Variants in AVEN observed in about 807,000 individuals in gnomAD.
AVEN encodes the protein apoptosis and caspase activation inhibitor.
Under a neutral mutation model 38.1 loss-of-function variants are expected in AVEN, and 41 were observed. That is an observed-to-expected ratio of 1.08 (90% CI 0.84 to 1.40). The LOEUF (loss-of-function observed/expected upper bound fraction) is 1.40. AVEN is among the 40% of genes most tolerant of loss of function. The probability of loss-of-function intolerance (pLI) is 0.00; values close to 1 mark genes in which losing one functional copy is unlikely to be tolerated. For synonymous variants in AVEN, 206 were observed against 171.8 expected (o/e 1.20, Z -1.56); for missense variants, 605 against 438.8 (o/e 1.38, Z -3.38).
intron 5 of AVEN, among the ~76,000 whole-genome samples, 171 bp downstream of exon 5, chr15:33,867,323 GA>G (rs1890638297): frequency 6.6e-6 from 1 of 151,728 alleles, no homozygotes; most frequent in Non-Finnish European, 1.5e-5. Flanking sequence ...AAGGTTGTCA[GA>G]AAGGTCAGCT....
chr15:33,939,159 G>A (rs1292177324), intron 2 of AVEN, among the ~76,000 whole-genome samples: 7 of 152,074 alleles, frequency 4.6e-5, no homozygotes, highest in East Asian at 1.9e-4. Flanking sequence ...TTCTTTCAAC[G>A]GCACTGCCAT....
chr15:33,917,752 A>G (rs933189202), intron 2 of AVEN, among the ~76,000 whole-genome samples: 1 of 152,154 alleles, frequency 6.6e-6, no homozygotes, highest in Non-Finnish European at 1.5e-5. Flanking sequence ...ACTAAACGTC[A>G]TATGTTCTCA....
rs941411877 is a variant in AVEN, at chr15:34,002,611, C to T, written c.445+421G>A. On this transcript the variant is annotated intron_variant, in intron 2 of 5. Coordinates refer to ENST00000306730, the MANE Select transcript of AVEN (RefSeq NM_020371.3). ...CATATAGCTCCAATATGTGCATATCCACTACTATGTATATACCTGGCTACT... is the reference window on the plus strand; with the variant it reads ...CATATAGCTCCAATATGTGCATATCTACTACTATGTATATACCTGGCTACT... 2.0e-5 allele frequency among the ~76,000 whole-genome samples: 3 copies of T among 152,020 alleles called. No homozygotes were observed. In the South Asian group the frequency reaches 6.2e-4, roughly 32 times the overall value.
chr15:33,896,165 T>A (rs1403904885), intron 2 of AVEN, among the ~76,000 whole-genome samples: 1 of 152,190 alleles, frequency 6.6e-6, no homozygotes, highest in Non-Finnish European at 1.5e-5. Context: ...AAATTATGAC[T>A]GCACTCAACA....
At chr15:33,857,272 G>T (rs1019634292), downstream of AVEN, among the ~76,000 whole-genome samples, 2 of 151,178 alleles carry the variant, frequency 1.3e-5, no homozygotes, top group African/African-American at 4.9e-5. Flanking sequence ...GGTCTCCTCA[G>T]GGGCCTCTCT....
intron 5 of AVEN, among the ~76,000 whole-genome samples, chr15:34,060,887 G>A (rs1347827467): frequency 1.3e-5 from 2 of 151,936 alleles, no homozygotes; most frequent in East Asian, 3.9e-4. Context: ...GTGGTGGCAG[G>A]CGCCTGTAGT....
chr15:34,046,937 A>C (rs185800309), intron 5 of AVEN: 4 of 152,332 alleles, frequency 2.6e-5, no homozygotes, highest in African/African-American at 9.7e-5. Flanking sequence ...AACCCATGGA[A>C]AAGGAGATCT....
intron 2 of AVEN, among the ~76,000 whole-genome samples, chr15:33,879,773 T>C (rs555856895): frequency 6.6e-6 from 1 of 152,206 alleles, no homozygotes; most frequent in Admixed American, 6.5e-5. Flanking sequence ...TGATCCCACA[T>C]TGAAATGTGG....
intron 2 of AVEN, among the ~76,000 whole-genome samples, chr15:33,920,234 G>A (rs180781811): frequency 1.3e-5 from 2 of 152,212 alleles, no homozygotes; most frequent in African/African-American, 4.8e-5. Flanking sequence ...ACATTTTTAA[G>A]TGGAAACAGT....
At chr15:33,985,931 T>C (rs1896427992) in intron 2 of AVEN, among the ~76,000 whole-genome samples, 2 of 152,188 alleles carry the variant, frequency 1.3e-5, no homozygotes, top group Non-Finnish European at 2.9e-5. Context: ...AAGGGCAGAA[T>C]GCCAGAAAGC....
intron 1 of AVEN, among the ~76,000 whole-genome samples, chr15:34,034,151 A>G (rs769208972): frequency 2.6e-5 from 4 of 152,172 alleles, no homozygotes; most frequent in Non-Finnish European, 5.9e-5. Flanking sequence ...AGTATTTAAA[A>G]TCCATCCAGA....
intron 2 of AVEN, among the ~76,000 whole-genome samples, chr15:33,899,229 A>G (rs1315956614): frequency 6.6e-6 from 1 of 152,046 alleles, no homozygotes; most frequent in Non-Finnish European, 1.5e-5. Context: ...GACACTTTCA[A>G]GTGCAGTTCT....
At chr15:33,876,889 A>G (rs997315533) in intron 2 of AVEN, among the ~76,000 whole-genome samples, 21 of 152,202 alleles carry the variant, frequency 1.4e-4, no homozygotes, top group Non-Finnish European at 1.3e-4. Flanking sequence ...GCAGAAATTA[A>G]CCACAAAAGT....
downstream of AVEN, chr15:33,865,446 A>C (rs968862891): frequency 1.4e-5 from 7 of 493,574 alleles, no homozygotes; most frequent in Non-Finnish European, 2.2e-5. Context: ...TCGAAGAAGG[A>C]AGGCGAAGAA....
At chr15:33,881,189 A>G (rs1392502701) in intron 2 of AVEN, among the ~76,000 whole-genome samples, 2 of 151,734 alleles carry the variant, frequency 1.3e-5, no homozygotes, top group African/African-American at 4.8e-5. Flanking sequence ...CCTAGACTCA[A>G]GTGATCTCCC....
In AVEN at chr15:34,039,083, G is replaced by A. The variant is rs1899333208; in HGVS notation, c.-37C>T. 1.5e-5 allele frequency: 16 copies of A among 1,079,732 alleles called. No homozygotes were observed. Among genetic ancestry groups the A allele is most frequent in the Non-Finnish European group, 1.8e-5 (16 of 891,652 alleles). The allele number at this position is 1,079,732 out of a possible 1,614,324, so 66.9% of individuals were successfully genotyped here. On this transcript the variant is annotated 5_prime_UTR_variant, in exon 1 of 6. Coordinates refer to ENST00000306730, the MANE Select transcript of AVEN (RefSeq NM_020371.3). The stretch of plus-strand genomic sequence containing the variant: ...TGGCGGTGCTGAGCGCGCGGGAGCC[G>A]AGCTGCGGCGGAGACGCCCTGGCCC...
At chr15:33,862,186 TTCTC>T (rs60669727), downstream of AVEN, among the ~76,000 whole-genome samples, 5,263 of 152,176 alleles carry the variant, frequency 0.035, 220 homozygotes, top group East Asian at 0.24. Flanking sequence ...CTCTTCCCCC[TTCTC>T]TCTCTATTTT....
At chr15:34,050,629 T>C (rs1291028004) in intron 5 of AVEN, among the ~76,000 whole-genome samples, 1 of 152,116 alleles carries the variant, frequency 6.6e-6, no homozygotes, top group African/African-American at 2.4e-5. Flanking sequence ...AAGACACACA[T>C]AGGCTCAAAA....
At chr15:33,947,294 G>A (rs1469074149) in intron 2 of AVEN, among the ~76,000 whole-genome samples, 1 of 152,190 alleles carries the variant, frequency 6.6e-6, no homozygotes, top group East Asian at 1.9e-4. Flanking sequence ...AATGCTCCCA[G>A]CATGAGGAAG....
Sources: gnomAD v4.1 joint callset for allele counts (sites outside exome capture counted in the v4.1 genomes callset) on GRCh38, gnomAD v4.1.1 for gene constraint, MANE v1.5 for transcripts, NCBI Gene and HGNC (gene_info 2026-07-23, HGNC 2026-07-21) for gene names.